STK10: variants seen among roughly 807,000 people sequenced by gnomAD.
STK10 encodes serine/threonine-protein kinase 10.
STK10 carries 78 observed loss-of-function variants against 113.8 expected under a neutral mutation model. The ratio of observed to expected loss-of-function variants is 0.69; its 90% CI spans 0.57 to 0.83. The LOEUF is 0.83. Ranked by LOEUF, STK10 falls within the 40% of genes least tolerant of loss-of-function variation. The pLI is 0.00. For synonymous variants in STK10, 465 were observed against 494.7 expected, an observed-to-expected ratio of 0.94 and a Z score of 0.80; for missense variants, 1,109 against 1,280.1, an observed-to-expected ratio of 0.87 and a Z score of 2.04.
intron 8 of STK10, among the ~76,000 whole-genome samples, chr5:172,094,507 C>T (rs1319388009): frequency 2.0e-5 from 3 of 152,004 alleles, no homozygotes; most frequent in Admixed American, 6.6e-5. Context: ...AGGAGCCTCC[C>T]GAGTAGCTGG....
chr5:172,125,901 G>A (rs1581168594), intron 3 of STK10, among the ~76,000 whole-genome samples: 1 of 151,932 alleles, frequency 6.6e-6, no homozygotes, highest in Non-Finnish European at 1.5e-5. Context: ...TTGATCTTTC[G>A]GGATTGTACT....
intron 18 of STK10, among the ~76,000 whole-genome samples, chr5:172,051,829 T>C (rs1767636369): frequency 6.6e-6 from 1 of 151,986 alleles, no homozygotes; most frequent in Admixed American, 6.6e-5. Flanking sequence ...GATGTTGGTA[T>C]TGACCATGCC....
At chr5:172,151,567 A>C (rs9313578) in intron 2 of STK10, among the ~76,000 whole-genome samples, 2 of 151,758 alleles carry the variant, frequency 1.3e-5, no homozygotes, top group African/African-American at 2.4e-5. Flanking sequence ...GGCTGGTCTC[A>C]AACGCCTGAT....
chr5:172,142,103 C>T (rs1253823909), intron 2 of STK10, among the ~76,000 whole-genome samples: 1 of 152,192 alleles, frequency 6.6e-6, no homozygotes, highest in Non-Finnish European at 1.5e-5. Context: ...GTTATCTCCA[C>T]CTGCTAGGCG....
chr5:172,168,312 G>A (rs752906388), intron 1 of STK10, among the ~76,000 whole-genome samples: 5 of 152,230 alleles, frequency 3.3e-5, no homozygotes, highest in African/African-American at 7.2e-5. Flanking sequence ...ATTTAGGAGA[G>A]AGAAAATCTG....
intron 2 of STK10, among the ~76,000 whole-genome samples, chr5:172,131,430 T>C (rs1769755585): frequency 6.6e-6 from 1 of 152,222 alleles, no homozygotes; most frequent in Non-Finnish European, 1.5e-5. Flanking sequence ...AACACTCTTA[T>C]ACAACGTCCC....
chr5:172,122,964 A>G (rs369394026), intron 3 of STK10, among the ~76,000 whole-genome samples: 8 of 152,172 alleles, frequency 5.3e-5, no homozygotes, highest in Admixed American at 3.9e-4. Flanking sequence ...ATGGCCAACC[A>G]TATCTATTCC....
chr5:172,154,526 G>A (rs1321904997), intron 2 of STK10, among the ~76,000 whole-genome samples: 3 of 152,118 alleles, frequency 2.0e-5, no homozygotes, highest in Non-Finnish European at 2.9e-5. Flanking sequence ...ATCTCATAGT[G>A]TCTAAAAGGC....
At chr5:172,091,145 A>G (rs10042558) in intron 9 of STK10, among the ~76,000 whole-genome samples, 32,315 of 151,410 alleles carry the variant, frequency 0.21, 4,851 homozygotes, top group African/African-American at 0.43. Context: ...AGCAGTGCCC[A>G]CTCCCGGCCT....
At chr5:172,162,644 T>C (rs1286960497) in intron 1 of STK10, among the ~76,000 whole-genome samples, 2 of 152,174 alleles carry the variant, frequency 1.3e-5, no homozygotes, top group East Asian at 1.9e-4. Flanking sequence ...GCTCCTTTCC[T>C]GAGAGGAAGG....
chr5:172,099,955 G>C (rs1482894487), intron 7 of STK10, among the ~76,000 whole-genome samples: 1 of 152,196 alleles, frequency 6.6e-6, no homozygotes, highest in South Asian at 2.1e-4. Context: ...GCGTCCTTAG[G>C]AGGAGGAAGG....
chr5:172,152,577 G>C (rs1424060171), intron 2 of STK10, among the ~76,000 whole-genome samples: 1 of 152,202 alleles, frequency 6.6e-6, no homozygotes, highest in Non-Finnish European at 1.5e-5. Context: ...ATGTGCTACT[G>C]AGTGTTCGAA....
chr5:172,052,798 G>C, intron 18 of STK10, 131 bp downstream of exon 18: 1 of 819,752 alleles, frequency 1.2e-6, no homozygotes. Flanking sequence ...CTCTCAGGCT[G>C]GAGATCCATT....
At chr5:172,126,163 G>A (rs1365961713) in intron 3 of STK10, among the ~76,000 whole-genome samples, 1 of 152,216 alleles carries the variant, frequency 6.6e-6, no homozygotes, top group Non-Finnish European at 1.5e-5. Context: ...GGTAGCATGA[G>A]CCGGGGATGC....
chr5:172,090,926 CTCCG>C (rs1174894143), intron 9 of STK10, among the ~76,000 whole-genome samples: 2 of 127,032 alleles, frequency 1.6e-5, no homozygotes, highest in Admixed American at 8.8e-5. Flanking sequence ...TACAGCTAGA[CTCCG>C]TCTCTAAAAA....
chr5:172,062,385 T>C (rs867276935), intron 13 of STK10, among the ~76,000 whole-genome samples: 1 of 152,232 alleles, frequency 6.6e-6, no homozygotes. Flanking sequence ...AGTGTATCTA[T>C]AGCTATTGTT....
At chr5:172,126,709 C>T (rs1032677514) in intron 3 of STK10, among the ~76,000 whole-genome samples, 1 of 152,222 alleles carries the variant, frequency 6.6e-6, no homozygotes, top group Non-Finnish European at 1.5e-5. Context: ...CTGTGATCAT[C>T]GTCGTCATTA....
At chr5:172,150,036 A>G (rs1770182990) in intron 2 of STK10, among the ~76,000 whole-genome samples, 1 of 140,396 alleles carries the variant, frequency 7.1e-6, no homozygotes, top group East Asian at 2.1e-4. Context: ...AACAAGAACA[A>G]AACTTTGTCT....
chr5:172,165,295 A>G (rs902500), intron 1 of STK10, among the ~76,000 whole-genome samples: 1 of 151,374 alleles, frequency 6.6e-6, no homozygotes, highest in Non-Finnish European at 1.5e-5. Flanking sequence ...CCCCAACCCA[A>G]CTCTGCAGAT....
Sources: gnomAD v4.1 joint callset for allele counts (sites outside exome capture counted in the v4.1 genomes callset) on GRCh38, gnomAD v4.1.1 for gene constraint, MANE v1.5 for transcripts, NCBI Gene and HGNC (gene_info 2026-07-23, HGNC 2026-07-21) for gene names.